Variants in ROBO2 observed in about 807,000 individuals in gnomAD.
ROBO2 encodes roundabout homolog 2.
In ROBO2, 53 loss-of-function variants were observed where a neutral mutation model predicts 160.8. That is an observed-to-expected ratio of 0.33 (90% CI 0.26 to 0.41). The LOEUF (loss-of-function observed/expected upper bound fraction) is 0.41, where lower values mean the gene tolerates loss of function less well. ROBO2 is among the 10% of genes least tolerant of loss of function. The pLI, the probability that ROBO2 is intolerant of heterozygous loss-of-function variation, is 1.00. For missense variants in ROBO2, 1,577 were observed against 1,722.4 expected, an observed-to-expected ratio of 0.92 and a Z score of 1.49; for synonymous variants, 664 against 611.7, an observed-to-expected ratio of 1.09 and a Z score of -1.26.
intron 2 of ROBO2, among the ~76,000 whole-genome samples, chr3:77,305,402 A>T (rs1040495778): frequency 2.0e-5 from 3 of 152,166 alleles, no homozygotes; most frequent in Admixed American, 2.0e-4. Flanking sequence ...GGTTGCCTAC[A>T]TTTCCAGGTC....
intron 2 of ROBO2, among the ~76,000 whole-genome samples, chr3:76,213,850 C>A (rs1452482198): frequency 6.6e-6 from 1 of 151,746 alleles, no homozygotes; most frequent in Non-Finnish European, 1.5e-5. Flanking sequence ...AATGTTGGAC[C>A]CTATGCCACC....
intron 2 of ROBO2, among the ~76,000 whole-genome samples, chr3:76,987,254 A>G (rs1158992066): frequency 1.3e-5 from 2 of 152,226 alleles, no homozygotes; most frequent in African/African-American, 2.4e-5. Flanking sequence ...GCAATTTAAT[A>G]CACTGCCCTC....
chr3:76,904,046 A>G (rs2075423313), intron 2 of ROBO2, among the ~76,000 whole-genome samples: 1 of 152,212 alleles, frequency 6.6e-6, no homozygotes, highest in Non-Finnish European at 1.5e-5. Flanking sequence ...AGTACATGAA[A>G]AACTTAAGGA....
At chr3:76,967,799 C>T (rs1362099434) in intron 2 of ROBO2, among the ~76,000 whole-genome samples, 1 of 152,106 alleles carries the variant, frequency 6.6e-6, no homozygotes, top group Non-Finnish European at 1.5e-5. Flanking sequence ...CCTGCCTCAG[C>T]AACCGAAAGT....
intron 2 of ROBO2, among the ~76,000 whole-genome samples, chr3:77,228,230 G>A (rs952385218): frequency 6.6e-5 from 10 of 152,116 alleles, no homozygotes; most frequent in African/African-American, 2.4e-4. Context: ...GCAGTGGCAT[G>A]ATCACAGCTT....
intron 2 of ROBO2, among the ~76,000 whole-genome samples, chr3:76,598,741 T>C (rs1348975179): frequency 6.6e-6 from 1 of 152,118 alleles, no homozygotes; most frequent in African/African-American, 2.4e-5. Flanking sequence ...CTCAAACATG[T>C]CCAGATGGGG....
intron 2 of ROBO2, among the ~76,000 whole-genome samples, chr3:76,383,683 T>C (rs566923950): frequency 3.0e-4 from 45 of 151,614 alleles, no homozygotes; most frequent in Non-Finnish European, 4.4e-4. Flanking sequence ...TGCCAACAGT[T>C]CAGATAACTT....
At chr3:76,035,790 A>G (rs1459552184) in intron 2 of ROBO2, among the ~76,000 whole-genome samples, 1 of 152,050 alleles carries the variant, frequency 6.6e-6, no homozygotes, top group African/African-American at 2.4e-5. Flanking sequence ...CTCATCAAAA[A>G]GTGACAGTCT....
At chr3:77,419,520 A>AATG (rs1341674679) in intron 2 of ROBO2, among the ~76,000 whole-genome samples, 1 of 152,164 alleles carries the variant, frequency 6.6e-6, no homozygotes, top group African/African-American at 2.4e-5. Flanking sequence ...ATAAATATGA[A>AATG]ATGATAGTGC....
At chr3:76,372,234 A>G (rs1173225786) in intron 2 of ROBO2, among the ~76,000 whole-genome samples, 1 of 151,914 alleles carries the variant, frequency 6.6e-6, no homozygotes, top group African/African-American at 2.4e-5. Flanking sequence ...AAGAATCTTT[A>G]TGTGCAGAGT....
intron 2 of ROBO2, among the ~76,000 whole-genome samples, chr3:77,197,762 T>C (rs1008712245): frequency 2.0e-5 from 3 of 152,164 alleles, no homozygotes; most frequent in African/African-American, 7.2e-5. Context: ...ATTGTACAGA[T>C]TTGATTTAAT....
intron 2 of ROBO2, among the ~76,000 whole-genome samples, chr3:77,114,448 T>C (rs2073996016): frequency 6.6e-6 from 1 of 152,212 alleles, no homozygotes; most frequent in African/African-American, 2.4e-5. Flanking sequence ...ATAGCATTTC[T>C]TTATGTGTCT....
intron 2 of ROBO2, among the ~76,000 whole-genome samples, chr3:76,510,054 G>A (rs936371082): frequency 6.6e-6 from 1 of 152,044 alleles, no homozygotes; most frequent in Non-Finnish European, 1.5e-5. Flanking sequence ...CACCCACAAA[G>A]GGTAATAAAA....
At chr3:76,647,332 T>G (rs2091021221) in intron 2 of ROBO2, among the ~76,000 whole-genome samples, 1 of 152,128 alleles carries the variant, frequency 6.6e-6, no homozygotes, top group Admixed American at 6.5e-5. Flanking sequence ...ACAAAGCCCT[T>G]CCTCCTCTAG....
chr3:76,674,598 TCACACACACACA>T (rs71104613), intron 2 of ROBO2, among the ~76,000 whole-genome samples: 2 of 148,066 alleles, frequency 1.4e-5, no homozygotes, highest in African/African-American at 2.5e-5. Context: ...ACCTCCTAGT[TCACACACACACA>T]CACACACACA....
intron 2 of ROBO2, among the ~76,000 whole-genome samples, chr3:76,455,410 T>A (rs2077699539): frequency 6.6e-6 from 1 of 152,168 alleles, no homozygotes; most frequent in African/African-American, 2.4e-5. Flanking sequence ...CAATTAAATT[T>A]ATAATTTTCA....
At chr3:75,989,365 C>T (rs2065502728) in intron 2 of ROBO2, among the ~76,000 whole-genome samples, 1 of 152,136 alleles carries the variant, frequency 6.6e-6, no homozygotes, top group Non-Finnish European at 1.5e-5. Context: ...ATCCACCTGC[C>T]TCAGCCTCCC....
intron 5 of ROBO2, among the ~76,000 whole-genome samples, chr3:77,517,164 A>G (rs1379467364): frequency 6.6e-6 from 1 of 151,722 alleles, no homozygotes; most frequent in Non-Finnish European, 1.5e-5. Flanking sequence ...CTAAAAAGAA[A>G]GTAATTTTTT....
chr3:76,355,024 T>G (rs1225146300), intron 2 of ROBO2, among the ~76,000 whole-genome samples: 1 of 150,958 alleles, frequency 6.6e-6, no homozygotes, highest in Non-Finnish European at 1.5e-5. Context: ...ATGTGTATGT[T>G]TATGTGTATG....
Sources: gnomAD v4.1 joint callset for allele counts (sites outside exome capture counted in the v4.1 genomes callset) on GRCh38, gnomAD v4.1.1 for gene constraint, MANE v1.5 for transcripts, NCBI Gene and HGNC (gene_info 2026-07-23, HGNC 2026-07-21) for gene names.